ANK2: variants seen among roughly 807,000 people sequenced by gnomAD.
ANK2 encodes ankyrin-2.
In ANK2, 83 loss-of-function variants were observed where a neutral mutation model predicts 360.5. The ratio of observed to expected loss-of-function variants is 0.23; its 90% CI spans 0.19 to 0.28. The LOEUF is 0.28. Among genes scored for constraint, ANK2 ranks in the 10% least tolerant of loss-of-function variants. The probability of loss-of-function intolerance (pLI) is 1.00; values close to 1 mark genes in which losing one functional copy is unlikely to be tolerated. For synonymous variants in ANK2, 1,740 were observed against 1,759.5 expected (o/e 0.99, Z 0.28); for missense variants, 4,201 against 4,795.7 (o/e 0.88, Z 3.66).
At chr4:112,799,225 G>A in the ANK2 span, among the ~76,000 whole-genome samples, 1 of 152,128 alleles carries the variant, frequency 6.6e-6, no homozygotes, top group Non-Finnish European at 1.5e-5. Context: ...CCCATTGAAG[G>A]ACACTTGGGT....
Position 113,355,155 on chromosome 4 carries a change from A to G in ANK2, c.6537A>G (p.Pro2179=). 6.2e-7 allele frequency: 1 copy of G among 1,614,058 alleles called. No individual in the cohort carries two copies. Among genetic ancestry groups the G allele is most frequent in the Non-Finnish European group, 8.5e-7 (1 of 1,179,974 alleles). ...VLTSPFNTTF[P]LDYMKDEFLP... ...CTAGTCCTTTCAACACAACATTTCC[A>G]CTCGACTACATGAAAGATGAGTTCC... The change falls in exon 38 of 46, where the codon CCA becomes CCG. Residue 2179 remains proline, a synonymous_variant. Transcript: ENST00000357077.
At chr4:113,261,931 T>C (rs2053145469) in intron 13 of ANK2, among the ~76,000 whole-genome samples, 1 of 152,200 alleles carries the variant, frequency 6.6e-6, no homozygotes, top group Admixed American at 6.5e-5. Flanking sequence ...TGGATGCCTG[T>C]AATCCCAGCT....
At chr4:113,235,624 G>C (rs2099365903) in intron 5 of ANK2, among the ~76,000 whole-genome samples, 1 of 151,864 alleles carries the variant, frequency 6.6e-6, no homozygotes. Flanking sequence ...TAGAGGAGAT[G>C]GGTTTTCACC....
intron 1 of ANK2, among the ~76,000 whole-genome samples, chr4:112,847,842 G>A (rs2063688282): frequency 1.3e-5 from 2 of 152,212 alleles, no homozygotes; most frequent in Admixed American, 1.3e-4. Context: ...GCCCTTCACA[G>A]TCTAGTTCTA....
At chr4:113,257,207 G>C (rs1328734721) in intron 11 of ANK2, among the ~76,000 whole-genome samples, 1 of 152,092 alleles carries the variant, frequency 6.6e-6, no homozygotes, top group African/African-American at 2.4e-5. Context: ...CATAACAAAG[G>C]AACATTGTTG....
intron 1 of ANK2, among the ~76,000 whole-genome samples, chr4:113,123,030 G>A (rs970743772): frequency 4.6e-5 from 7 of 151,528 alleles, no homozygotes; most frequent in African/African-American, 1.7e-4. Flanking sequence ...AGTCCCAATT[G>A]TATGGCTTGA....
At chr4:113,312,104 A>T in intron 24 of ANK2, among the ~76,000 whole-genome samples, 1 of 152,032 alleles carries the variant, frequency 6.6e-6, no homozygotes, top group Admixed American at 6.5e-5. Context: ...GTGGTTCCTC[A>T]TTGAAATTAT....
At chr4:112,816,596 AT>A (rs2055660350), upstream of ANK2, among the ~76,000 whole-genome samples, 1 of 152,178 alleles carries the variant, frequency 6.6e-6, no homozygotes, top group South Asian at 2.1e-4. Context: ...TTCACTTTAA[AT>A]ATAAGGGACA....
intron 2 of ANK2, among the ~76,000 whole-genome samples, chr4:113,043,450 A>AG (rs1158860749): frequency 6.6e-6 from 1 of 151,148 alleles, no homozygotes. Context: ...TTTAAAAAAA[A>AG]AAAAGAGACA....
At chr4:112,838,172 G>A (rs1430232844) in intron 1 of ANK2, among the ~76,000 whole-genome samples, 1 of 152,142 alleles carries the variant, frequency 6.6e-6, no homozygotes, top group East Asian at 1.9e-4. Context: ...TCTCATGAGA[G>A]CTGATGGTTT....
At chr4:113,273,157 G>A (rs2059119682) in intron 14 of ANK2, among the ~76,000 whole-genome samples, 1 of 152,136 alleles carries the variant, frequency 6.6e-6, no homozygotes, top group Non-Finnish European at 1.5e-5. Context: ...GCAGAGAAAT[G>A]TCTTTAGAAT....
intron 39 of ANK2, among the ~76,000 whole-genome samples, chr4:113,362,814 A>G (rs1009073797): frequency 6.6e-6 from 1 of 152,148 alleles, no homozygotes; most frequent in Non-Finnish European, 1.5e-5. Flanking sequence ...CCCTGGATCA[A>G]TTAATGCTTC....
intron 1 of ANK2, among the ~76,000 whole-genome samples, chr4:113,091,469 CA>C (rs1191370876): frequency 6.6e-6 from 1 of 152,030 alleles, no homozygotes; most frequent in Non-Finnish European, 1.5e-5. Context: ...GAATTTTTTC[CA>C]GAGTAGTTAT....
Position 113,339,336 on chromosome 4 carries a change from G to T in ANK2, c.3893+14G>T, listed in dbSNP as rs2272231. On this transcript the variant is annotated intron_variant, in intron 32 of 45. Transcript: ENST00000357077. ...CGTGTCTGCCAGGTATCGTTATATA[G>T]CACAGAAAAGCCCACTATGATATGT... 192,933 of 1,600,286 alleles carry T rather than the reference G, an allele frequency of 0.12. 17,031 individuals are homozygous for T. Among genetic ancestry groups the T allele is most frequent in the African/African-American group, 0.47 (35,065 of 74,682 alleles).
chr4:113,350,151 G>T, intron 36 of ANK2, 77 bp from the exon 37 acceptor site: 4 of 1,334,162 alleles, frequency 3.0e-6, no homozygotes, highest in Non-Finnish European at 3.2e-6. Flanking sequence ...TTATGAATAG[G>T]AGCTTTTTGT....
chr4:113,023,363 G>A (rs1242901763), intron 2 of ANK2, among the ~76,000 whole-genome samples: 2 of 152,144 alleles, frequency 1.3e-5, no homozygotes, highest in East Asian at 1.9e-4. Flanking sequence ...CCTCAGCCCC[G>A]TCTGTGTCCA....
chr4:112,852,724 T>A (rs920513016), intron 1 of ANK2, among the ~76,000 whole-genome samples: 13 of 152,204 alleles, frequency 8.5e-5, no homozygotes, highest in African/African-American at 2.9e-4. Flanking sequence ...CCTTGTTGGA[T>A]AATAATACCC....
intron 1 of ANK2, among the ~76,000 whole-genome samples, chr4:112,820,435 C>G (rs1394705673): frequency 6.6e-6 from 1 of 152,198 alleles, no homozygotes; most frequent in East Asian, 1.9e-4. Flanking sequence ...AGTGCTCCTT[C>G]TGCAATCATG....
At chr4:112,802,391 A>G in the ANK2 span, among the ~76,000 whole-genome samples, 9 of 152,352 alleles carry the variant, frequency 5.9e-5, no homozygotes, top group South Asian at 1.2e-3. Flanking sequence ...TCTTGGGAGC[A>G]TAACCGGCTG....
Sources: gnomAD v4.1 joint callset for allele counts (sites outside exome capture counted in the v4.1 genomes callset) on GRCh38, gnomAD v4.1.1 for gene constraint, MANE v1.5 for transcripts, NCBI Gene and HGNC (gene_info 2026-07-23, HGNC 2026-07-21) for gene names.